Variants in P2RY14 observed in about 807,000 individuals in gnomAD.
P2RY14 encodes P2Y purinoceptor 14.
In P2RY14, 2 loss-of-function variants were observed where a neutral mutation model predicts 0.9. That is an observed-to-expected ratio of 2.16 (90% CI 0.88 to 6.79). P2RY14 has a LOEUF of 6.79. P2RY14 is among the 30% of genes most tolerant of loss of function. The pLI, the probability that P2RY14 is intolerant of heterozygous loss-of-function variation, is 0.05. For missense variants in P2RY14, 378 were observed against 400.1 expected (o/e 0.94, Z 0.47); for synonymous variants, 158 against 147.2 (o/e 1.07, Z -0.53).
chr3:151,271,639 G>A (rs1740967666), intron 1 of P2RY14, among the ~76,000 whole-genome samples: 1 of 152,202 alleles, frequency 6.6e-6, no homozygotes, highest in African/African-American at 2.4e-5. Context: ...TAAACAAATT[G>A]TGGTATACTC....
chr3:151,235,510 C>A (rs975819005), intron 1 of P2RY14, among the ~76,000 whole-genome samples: 2 of 152,104 alleles, frequency 1.3e-5, no homozygotes, highest in Non-Finnish European at 2.9e-5. Context: ...TCGAGACCAT[C>A]ATGGCTAACA....
intron 1 of P2RY14, among the ~76,000 whole-genome samples, chr3:151,230,050 A>C (rs1731334221): frequency 6.6e-6 from 1 of 151,818 alleles, no homozygotes; most frequent in Non-Finnish European, 1.5e-5. Context: ...GCTCACTGCA[A>C]GCTTCGCCTG....
intron 1 of P2RY14, among the ~76,000 whole-genome samples, chr3:151,273,402 ATTTT>A (rs531443713): frequency 8.8e-6 from 1 of 113,672 alleles, no homozygotes; most frequent in African/African-American, 3.4e-5. Flanking sequence ...TAATTTTTGT[ATTTT>A]TTTTTTTTTT....
At chr3:151,250,817 A>G (rs1464345524) in intron 1 of P2RY14, among the ~76,000 whole-genome samples, 3 of 152,126 alleles carry the variant, frequency 2.0e-5, no homozygotes, top group Non-Finnish European at 2.9e-5. Flanking sequence ...TGGTAATCCT[A>G]TGTTAATTTT....
At chr3:151,245,254 C>T (rs1251633902) in intron 1 of P2RY14, among the ~76,000 whole-genome samples, 2 of 152,124 alleles carry the variant, frequency 1.3e-5, no homozygotes, top group Middle Eastern at 3.2e-3. Context: ...AGGGAATCCT[C>T]CCTAACTCAT....
intron 2 of P2RY14, 118 bp downstream of exon 2, chr3:151,219,417 T>C (rs549505425): frequency 2.0e-5 from 3 of 152,336 alleles, no homozygotes; most frequent in African/African-American, 7.2e-5. Context: ...TTAGAACACC[T>C]TCCACCTTCC....
At chr3:151,271,959 A>G (rs1162147769) in intron 1 of P2RY14, among the ~76,000 whole-genome samples, 1 of 152,210 alleles carries the variant, frequency 6.6e-6, no homozygotes, top group Admixed American at 6.5e-5. Flanking sequence ...TGAACTCTAC[A>G]CTTAAAATCT....
At chr3:151,258,871 A>G (rs1395594086) in intron 1 of P2RY14, among the ~76,000 whole-genome samples, 4 of 151,496 alleles carry the variant, frequency 2.6e-5, no homozygotes, top group African/African-American at 9.7e-5. Context: ...AAAAAAAAAA[A>G]AAGTCCTTCC....
chr3:151,230,044 A>G (rs1259727291), intron 1 of P2RY14, among the ~76,000 whole-genome samples: 1 of 151,798 alleles, frequency 6.6e-6, no homozygotes, highest in Non-Finnish European at 1.5e-5. Flanking sequence ...ATCTCAGCTC[A>G]CTGCAAGCTT....
At chr3:151,272,040 G>C (rs189698307) in intron 1 of P2RY14, among the ~76,000 whole-genome samples, 1 of 152,314 alleles carries the variant, frequency 6.6e-6, no homozygotes, top group East Asian at 1.9e-4. Context: ...CACAAAACTT[G>C]CTCTTGAAGC....
chr3:151,256,836 G>A (rs1403982161), intron 1 of P2RY14, among the ~76,000 whole-genome samples: 1 of 149,356 alleles, frequency 6.7e-6, no homozygotes, highest in African/African-American at 2.5e-5. Context: ...TTTCTTGGTG[G>A]GAAATGACAG....
rs74485012 is a variant in P2RY14, at chr3:151,250,480, C to T, written c.-133+27807G>A. Reference sequence around the variant, plus strand: ...CCCTGGTAACTACTGTTCTTCTCTACGAAGTTGAATACTCTAGCTATCTCA... The same window carrying T: ...CCCTGGTAACTACTGTTCTTCTCTATGAAGTTGAATACTCTAGCTATCTCA... On this transcript the variant is annotated intron_variant, in intron 1 of 2. Transcript: ENST00000309170. Among the ~76,000 whole-genome samples the T allele has an allele frequency of 9.3e-3, 1,423 of 152,206 alleles. 18 individuals are homozygous for T. The highest frequency in any genetic ancestry group is 0.032 in the African/African-American group (1,343 of 41,518).
At position 151,222,649 on chromosome 3, in the gene P2RY14, G is replaced by T. The variant is rs371025705; in HGVS notation, c.-132-3007C>A. ...TCAGCCATGTGAAACTATAAGTCCA[G>T]TAAACCTCTTTCTTTTGTAAATTGC... On this transcript the variant is annotated intron_variant, in intron 1 of 2. Coordinates refer to ENST00000309170, the MANE Select transcript of P2RY14 (RefSeq NM_014879.4). 1.8e-4 allele frequency among the ~76,000 whole-genome samples: 28 copies of T among 152,204 alleles called. No individual in the cohort carries two copies. In the East Asian group the frequency reaches 2.1e-3, roughly 11 times the overall value.
rs1009852588 is a variant in P2RY14, at chr3:151,212,672, A to G, written c.*628T>C. ...ATGTATCTAATATCCTCAAAGTGCT[A>G]TCAGAAAAAAAAAATTTTCTTGCTA... On this transcript the variant is annotated 3_prime_UTR_variant, in exon 3 of 3. Transcript: ENST00000309170. 5.3e-5 allele frequency: 8 copies of G among 151,722 alleles called. No homozygotes were observed. Among genetic ancestry groups the G allele is most frequent in the Admixed American group, 2.6e-4 (4 of 15,232 alleles). 9.4% of individuals were successfully genotyped at this position (151,722 alleles called of 1,614,324 possible).
chr3:151,254,179 T>G (rs1404408974), intron 1 of P2RY14, among the ~76,000 whole-genome samples: 2 of 152,208 alleles, frequency 1.3e-5, no homozygotes, highest in African/African-American at 2.4e-5. Flanking sequence ...CCTGTATTTC[T>G]TATGTAACTG....
Position 151,213,177 on chromosome 3 carries a change from C to T in P2RY14, c.*123G>A. The T allele has an allele frequency of 1.4e-6, 1 of 718,420 alleles. No homozygotes were observed. Among genetic ancestry groups the T allele is most frequent in the Non-Finnish European group, 2.3e-6 (1 of 444,378 alleles). The allele number at this position is 718,420 out of a possible 1,614,324, so 44.5% of individuals were successfully genotyped here. ...AAACTTATATTTGAATTTTATTGAA[C>T]TAAATTGGATGGCAGTGCTAGAGAT... On this transcript the variant is annotated 3_prime_UTR_variant, in exon 3 of 3. Transcript: ENST00000309170.
In P2RY14 at chr3:151,263,990, C is replaced by T. The variant is rs192038719; in HGVS notation, c.-133+14297G>A. Among the ~76,000 whole-genome samples the T allele has an allele frequency of 2.8e-4, 42 of 152,332 alleles. No individual in the cohort carries two copies. In the East Asian group the frequency reaches 7.5e-3, roughly 27 times the overall value. On this transcript the variant is annotated intron_variant, in intron 1 of 2. Coordinates refer to ENST00000309170, the MANE Select transcript of P2RY14 (RefSeq NM_014879.4). ...TGAGATCTCTTACCACCACTCCTTC[C>T]CTCTCCCCTACCCACTTAACAGTAT...
Position 151,262,996 on chromosome 3 carries a change from C to G in P2RY14, c.-133+15291G>C, listed in dbSNP as rs369323066. On this transcript the variant is annotated intron_variant, in intron 1 of 2. Transcript: ENST00000309170. ...TCTCTAGGGCATCTTAACATGTACC[C>G]TCTGCTGGTCTTTAGGAGGAAGAGA... Among the ~76,000 whole-genome samples the G allele has an allele frequency of 2.2e-4, 34 of 152,232 alleles. 1 individual carries two copies. The highest frequency in any genetic ancestry group is 7.9e-4 in the African/African-American group (33 of 41,542).
chr3:151,271,756 A>T (rs1234699037), intron 1 of P2RY14, among the ~76,000 whole-genome samples: 2 of 152,208 alleles, frequency 1.3e-5, no homozygotes, highest in African/African-American at 2.4e-5. Context: ...GTTGAGCAAA[A>T]CAAGTCAGAC....
Sources: allele counts gnomAD v4.1 joint callset (sites outside exome capture counted in the v4.1 genomes callset), GRCh38; gene constraint gnomAD v4.1.1; transcripts MANE v1.5; gene names NCBI Gene and HGNC (gene_info 2026-07-23, HGNC 2026-07-21).